MAGI2: variants seen among roughly 807,000 people sequenced by gnomAD.
MAGI2 encodes membrane-associated guanylate kinase, WW and PDZ domain-containing protein 2.
In MAGI2, 35 loss-of-function variants were observed where a neutral mutation model predicts 133.3. That is an observed-to-expected ratio of 0.26 (90% CI 0.20 to 0.35). The LOEUF is 0.35. Ranked by LOEUF, MAGI2 falls within the 10% of genes least tolerant of loss-of-function variation. MAGI2 has a pLI of 1.00. For synonymous variants in MAGI2, 729 were observed against 710.6 expected (o/e 1.03, Z -0.41); for missense variants, 1,636 against 1,863.4 (o/e 0.88, Z 2.25).
At chr7:79,295,106 G>A (rs977244021) in intron 1 of MAGI2, among the ~76,000 whole-genome samples, 3 of 152,092 alleles carry the variant, frequency 2.0e-5, no homozygotes, top group African/African-American at 7.2e-5. Flanking sequence ...ATCTTTTCTT[G>A]ATGGAGTTTT....
chr7:79,257,624 G>C (rs1833784357), intron 1 of MAGI2, among the ~76,000 whole-genome samples: 1 of 152,136 alleles, frequency 6.6e-6, no homozygotes, highest in Non-Finnish European at 1.5e-5. Flanking sequence ...TTAGTGATTA[G>C]ATTTTAGAGA....
chr7:78,503,209 A>G (rs1794773115), intron 4 of MAGI2, among the ~76,000 whole-genome samples: 1 of 152,216 alleles, frequency 6.6e-6, no homozygotes. Flanking sequence ...GGGAAAAAAC[A>G]GTCACTTTTG....
At chr7:79,137,450 G>GTT (rs376997399) in intron 1 of MAGI2, among the ~76,000 whole-genome samples, 5,138 of 133,254 alleles carry the variant, frequency 0.039, 199 homozygotes, top group Non-Finnish European at 0.06. Flanking sequence ...GGTGTTTTTT[G>GTT]TTTTTTTTTT....
chr7:78,525,959 G>GT (rs1193514148), intron 3 of MAGI2, among the ~76,000 whole-genome samples: 2 of 152,126 alleles, frequency 1.3e-5, no homozygotes, highest in African/African-American at 2.4e-5. Context: ...GATATATGAC[G>GT]TGACTAGATC....
intron 2 of MAGI2, among the ~76,000 whole-genome samples, chr7:78,835,949 C>T (rs534931649): frequency 6.6e-6 from 1 of 152,314 alleles, no homozygotes; most frequent in African/African-American, 2.4e-5. Flanking sequence ...CTTCCTTCTG[C>T]AATCCGACAG....
At chr7:78,943,598 A>G (rs1483076496) in intron 2 of MAGI2, among the ~76,000 whole-genome samples, 1 of 152,160 alleles carries the variant, frequency 6.6e-6, no homozygotes, top group East Asian at 1.9e-4. Flanking sequence ...TTTGTTTTAA[A>G]AACTCATTTT....
chr7:78,911,504 A>G (rs1300978682), intron 2 of MAGI2, among the ~76,000 whole-genome samples: 13 of 152,136 alleles, frequency 8.5e-5, no homozygotes, highest in Admixed American at 8.5e-4. Context: ...GCCATCTATG[A>G]GTCTGGAAAT....
chr7:78,709,259 G>T (rs919870366), intron 2 of MAGI2, among the ~76,000 whole-genome samples: 1 of 139,366 alleles, frequency 7.2e-6, no homozygotes, highest in Non-Finnish European at 1.7e-5. Context: ...AGGCCTCCCT[G>T]TCCCCACCTG....
chr7:78,134,961 C>A, intron 17 of MAGI2, 60 bp downstream of exon 17: 1 of 1,495,002 alleles, frequency 6.7e-7, no homozygotes, highest in Non-Finnish European at 9.2e-7. Flanking sequence ...AGGCTGAGAA[C>A]ACCCGGTGAG....
intron 21 of MAGI2, among the ~76,000 whole-genome samples, chr7:78,061,029 G>T (rs554485027): frequency 2.0e-5 from 3 of 151,828 alleles, no homozygotes; most frequent in African/African-American, 7.3e-5. Context: ...AGCTGGGGGC[G>T]GTGGCATATG....
At chr7:78,746,346 C>T (rs1202830991) in intron 2 of MAGI2, among the ~76,000 whole-genome samples, 1 of 152,148 alleles carries the variant, frequency 6.6e-6, no homozygotes, top group East Asian at 1.9e-4. Flanking sequence ...GCTTGATTTC[C>T]AGCTGTGAGA....
At chr7:78,586,072 T>C (rs1444995389) in intron 3 of MAGI2, among the ~76,000 whole-genome samples, 2 of 152,196 alleles carry the variant, frequency 1.3e-5, no homozygotes, top group East Asian at 3.9e-4. Context: ...GTGCACCAAA[T>C]TGTATAATCA....
At chr7:79,152,028 G>A (rs117326703) in intron 1 of MAGI2, among the ~76,000 whole-genome samples, 198 of 152,272 alleles carry the variant, frequency 1.3e-3, no homozygotes, top group Non-Finnish European at 2.3e-3. Context: ...GATACGTTGG[G>A]AGGAATGGTA....
At chr7:78,196,351 G>A (rs1319591141) in intron 11 of MAGI2, among the ~76,000 whole-genome samples, 1 of 152,078 alleles carries the variant, frequency 6.6e-6, no homozygotes, top group Non-Finnish European at 1.5e-5. Flanking sequence ...AAACAGGGCT[G>A]CGTCTTTCTA....
At chr7:79,032,148 A>G (rs1476347191) in intron 1 of MAGI2, among the ~76,000 whole-genome samples, 3 of 152,214 alleles carry the variant, frequency 2.0e-5, no homozygotes, top group Non-Finnish European at 2.9e-5. Context: ...ATTAATTTTA[A>G]TATGTAAATT....
chr7:78,412,049 CT>C, intron 6 of MAGI2, among the ~76,000 whole-genome samples: 2 of 152,066 alleles, frequency 1.3e-5, no homozygotes, highest in South Asian at 4.1e-4. Context: ...TTAAGTGCAA[CT>C]TTAAGGCATT....
intron 2 of MAGI2, among the ~76,000 whole-genome samples, chr7:78,800,744 T>A (rs1787993097): frequency 6.6e-6 from 1 of 152,164 alleles, no homozygotes; most frequent in African/African-American, 2.4e-5. Flanking sequence ...GGACTTTATG[T>A]CATTTTCTTA....
At chr7:79,132,588 T>A (rs993995736) in intron 1 of MAGI2, among the ~76,000 whole-genome samples, 1 of 152,182 alleles carries the variant, frequency 6.6e-6, no homozygotes, top group Non-Finnish European at 1.5e-5. Flanking sequence ...TTATGAATTT[T>A]GCTTCTATAA....
At chr7:78,556,192 G>A (rs1799808320) in intron 3 of MAGI2, among the ~76,000 whole-genome samples, 1 of 152,158 alleles carries the variant, frequency 6.6e-6, no homozygotes, top group South Asian at 2.1e-4. Context: ...CTTGTCACAT[G>A]AAACATGGAT....
Sources: allele counts gnomAD v4.1 joint callset (sites outside exome capture counted in the v4.1 genomes callset), GRCh38; gene constraint gnomAD v4.1.1; transcripts MANE v1.5; gene names NCBI Gene and HGNC (gene_info 2026-07-23, HGNC 2026-07-21).